The following SLC8A1 variants were observed in gnomAD, a reference collection of about 807,000 sequenced individuals.
The protein encoded by SLC8A1 is sodium/calcium exchanger 1.
Under a neutral mutation model 68.3 loss-of-function variants are expected in SLC8A1, and 18 were observed. That is an observed-to-expected ratio of 0.26 (90% CI 0.18 to 0.39). The LOEUF is 0.39. Among genes scored for constraint, SLC8A1 ranks in the 10% least tolerant of loss-of-function variants. SLC8A1 has a pLI of 1.00. For missense variants in SLC8A1, 985 were observed against 1,156.7 expected (o/e 0.85, Z 2.15); for synonymous variants, 475 against 415.5 (o/e 1.14, Z -1.74).
At chr2:40,317,701 C>T (rs1047320355) in intron 2 of SLC8A1, among the ~76,000 whole-genome samples, 4 of 152,044 alleles carry the variant, frequency 2.6e-5, no homozygotes, top group Non-Finnish European at 5.9e-5. Flanking sequence ...TTAGGACACA[C>T]AATTCCTCAA....
At chr2:40,260,683 T>C (rs1326791765) in intron 2 of SLC8A1, among the ~76,000 whole-genome samples, 1 of 151,244 alleles carries the variant, frequency 6.6e-6, no homozygotes, top group Non-Finnish European at 1.5e-5. Context: ...ACTCTAGTTG[T>C]GATATAGTCT....
At chr2:40,509,182 A>G (rs1385157862) in intron 1 of SLC8A1, among the ~76,000 whole-genome samples, 1 of 152,168 alleles carries the variant, frequency 6.6e-6, no homozygotes, top group East Asian at 1.9e-4. Context: ...AAGATAAAAA[A>G]TTGAAAGCGG....
At chr2:40,463,887 C>CATATAT (rs1553620612) in intron 1 of SLC8A1, among the ~76,000 whole-genome samples, 1 of 108,558 alleles carries the variant, frequency 9.2e-6, no homozygotes, top group African/African-American at 3.7e-5. Flanking sequence ...CACACACACA[C>CATATAT]ATATATATAT....
Position 40,481,323 on chromosome 2 carries a change from A to C in SLC8A1, c.-25+31026T>G, listed in dbSNP as rs185506981. Among the ~76,000 whole-genome samples, 29 of 152,330 alleles carry C rather than the reference A, an allele frequency of 1.9e-4. No homozygotes were observed. The East Asian group carries it at 5.6e-3, about 29-fold the overall frequency. On this transcript the variant is annotated intron_variant, in intron 1 of 7. Transcript: ENST00000402441. ...CACAAATTAATGCCATATTTATTTG[A>C]AAGCAGCACAGTGTTAAAGAAGACA...
At chr2:40,119,456 G>C (rs147482457) in intron 7 of SLC8A1, among the ~76,000 whole-genome samples, 1 of 152,160 alleles carries the variant, frequency 6.6e-6, no homozygotes, top group African/African-American at 2.4e-5. Context: ...TTTTATTGCC[G>C]CTTTGCTGCT....
At chr2:40,391,231 T>C (rs1199969892) in intron 2 of SLC8A1, among the ~76,000 whole-genome samples, 1 of 151,804 alleles carries the variant, frequency 6.6e-6, no homozygotes, top group African/African-American at 2.4e-5. Context: ...TGTGTGTACA[T>C]ATGCACACTC....
At chr2:40,470,085 A>G (rs1703918615) in intron 1 of SLC8A1, among the ~76,000 whole-genome samples, 1 of 150,420 alleles carries the variant, frequency 6.6e-6, no homozygotes, top group African/African-American at 2.4e-5. Context: ...ACTGAATTCT[A>G]CTTACGCACA....
At chr2:40,453,706 C>T (rs1702818031), upstream of SLC8A1, among the ~76,000 whole-genome samples, 1 of 152,204 alleles carries the variant, frequency 6.6e-6, no homozygotes, top group Non-Finnish European at 1.5e-5. Flanking sequence ...AACCACTGCT[C>T]TAGGCCAATA....
chr2:40,388,007 TAATC>T (rs1218292356), intron 2 of SLC8A1, among the ~76,000 whole-genome samples: 1 of 151,604 alleles, frequency 6.6e-6, no homozygotes, highest in African/African-American at 2.4e-5. Context: ...TCATACCAGT[TAATC>T]AATTTAGCTA....
intron 2 of SLC8A1, among the ~76,000 whole-genome samples, chr2:40,184,891 C>A: frequency 1.9e-5 from 1 of 52,160 alleles, no homozygotes; most frequent in African/African-American, 7.7e-5. Context: ...GACAAACTAA[C>A]CAAAAACAAA....
At chr2:40,326,445 G>C (rs1383132422) in intron 2 of SLC8A1, among the ~76,000 whole-genome samples, 1 of 141,800 alleles carries the variant, frequency 7.1e-6, no homozygotes, top group African/African-American at 2.7e-5. Flanking sequence ...GCAGGGAAGA[G>C]ATAAAAAAAA....
At position 40,377,881 on chromosome 2, in the gene SLC8A1, T is replaced by C. The variant is rs557495140; in HGVS notation, c.1808+50592A>G. On this transcript the variant is annotated intron_variant, in intron 2 of 7. Transcript: ENST00000406785. The stretch of plus-strand genomic sequence containing the variant: ...AGAATAAGACTGAAATCTTGTGTCC[T>C]ATGGTCATCAATTCAAAATGTTTTT... Among the ~76,000 whole-genome samples, 24 of 152,270 alleles carry C rather than the reference T, an allele frequency of 1.6e-4. No individual in the cohort carries two copies. The South Asian group carries it at 4.8e-3, about 30-fold the overall frequency.
At chr2:40,218,177 C>A (rs1015597302) in intron 2 of SLC8A1, among the ~76,000 whole-genome samples, 2 of 152,294 alleles carry the variant, frequency 1.3e-5, no homozygotes, top group East Asian at 3.9e-4. Flanking sequence ...ATCTAAGTTA[C>A]ACTTTATCAG....
At chr2:40,351,231 G>A (rs1670981250) in intron 2 of SLC8A1, among the ~76,000 whole-genome samples, 2 of 152,084 alleles carry the variant, frequency 1.3e-5, no homozygotes, top group Non-Finnish European at 1.5e-5. Context: ...TCTGTGCAGA[G>A]TAGACATCTA....
intron 1 of SLC8A1, among the ~76,000 whole-genome samples, chr2:40,504,651 G>A (rs1419637969): frequency 6.6e-6 from 1 of 151,998 alleles, no homozygotes; most frequent in African/African-American, 2.4e-5. Context: ...AATGGCAGCA[G>A]ATTTGAATAG....
intron 1 of SLC8A1, among the ~76,000 whole-genome samples, chr2:40,494,679 A>ATATC (rs1705570678): frequency 1.6e-5 from 2 of 125,156 alleles, no homozygotes; most frequent in Non-Finnish European, 3.3e-5. Flanking sequence ...ATATATATAT[A>ATATC]TATATCCAAA....
intron 1 of SLC8A1, among the ~76,000 whole-genome samples, chr2:40,440,166 C>T (rs1318638042): frequency 1.3e-5 from 2 of 152,000 alleles, no homozygotes; most frequent in East Asian, 3.9e-4. Flanking sequence ...TTCTTTAAAC[C>T]AATCTTATAT....
exon 8 of SLC8A1, chr2:40,113,698 C>T (rs1317094442): frequency 6.6e-6 from 1 of 152,654 alleles, no homozygotes; most frequent in Non-Finnish European, 1.5e-5. Context: ...CTGTGCCAGA[C>T]AGTGCAGATG....
chr2:40,292,724 T>C (rs546526618), intron 2 of SLC8A1, among the ~76,000 whole-genome samples: 1 of 152,146 alleles, frequency 6.6e-6, no homozygotes, highest in Non-Finnish European at 1.5e-5. Flanking sequence ...TGTACTTTTT[T>C]ATTTGTCTTT....
Sources: allele counts gnomAD v4.1 joint callset (sites outside exome capture counted in the v4.1 genomes callset), GRCh38; gene constraint gnomAD v4.1.1; transcripts MANE v1.5; gene names NCBI Gene and HGNC (gene_info 2026-07-23, HGNC 2026-07-21).